CADPS: variants seen among roughly 807,000 people sequenced by gnomAD.
The protein encoded by CADPS is calcium dependent secretion activator.
In CADPS, 57 loss-of-function variants were observed where a neutral mutation model predicts 167.3. That is an observed-to-expected ratio of 0.34 (90% CI 0.28 to 0.42). The LOEUF (loss-of-function observed/expected upper bound fraction) is 0.42. CADPS is among the 20% of genes least tolerant of loss of function. The pLI, the probability that CADPS is intolerant of heterozygous loss-of-function variation, is 1.00. For missense variants in CADPS, 1,414 were observed against 1,738.1 expected, an observed-to-expected ratio of 0.81 and a Z score of 3.32; for synonymous variants, 676 against 635.3, an observed-to-expected ratio of 1.06 and a Z score of -0.96.
chr3:62,826,411 C>T lies in CADPS; in HGVS notation c.441+48178G>A, dbSNP rs140629442. 2.2e-3 allele frequency among the ~76,000 whole-genome samples: 337 copies of T among 152,084 alleles called. 1 individual carries two copies. The highest frequency in any genetic ancestry group is 7.8e-3 in the African/African-American group (323 of 41,504). ...GTTGTGATATTGTATGATAGCTATGCAACATGTTATTGTTGGGGAAAAATG... is the reference window on the plus strand; with the variant it reads ...GTTGTGATATTGTATGATAGCTATGTAACATGTTATTGTTGGGGAAAAATG... On this transcript the variant is annotated intron_variant, in intron 1 of 29. Transcript: ENST00000383710.
Position 62,662,308 on chromosome 3 carries a change from C to T in CADPS, c.969+6G>A, listed in dbSNP as rs1305568414. 1 of 1,612,760 alleles carries T rather than the reference C, an allele frequency of 6.2e-7. No homozygotes were observed. The highest frequency in any genetic ancestry group is 1.1e-5 in the South Asian group (1 of 91,048). On this transcript the variant is annotated splice_donor_region_variant and intron_variant, in intron 4 of 29. Transcript: ENST00000383710. ...ACCCCAGCAAACAACCACAATGTTTCCTTACCCTGGCTATTTGGTCTGCCA... is the reference window on the plus strand; with the variant it reads ...ACCCCAGCAAACAACCACAATGTTTTCTTACCCTGGCTATTTGGTCTGCCA...
At chr3:62,443,555 T>C (rs142767359) in intron 27 of CADPS, among the ~76,000 whole-genome samples, 2 of 152,232 alleles carry the variant, frequency 1.3e-5, no homozygotes, top group African/African-American at 2.4e-5. Context: ...TAGGAGGTAA[T>C]TGAATCATGG....
intron 1 of CADPS, among the ~76,000 whole-genome samples, chr3:62,773,601 A>C (rs1021269363): frequency 1.3e-5 from 2 of 152,128 alleles, no homozygotes; most frequent in African/African-American, 4.8e-5. Context: ...CCATGTACTA[A>C]CTGTACTATT....
At chr3:62,442,159 G>A (rs1465390014) in intron 27 of CADPS, among the ~76,000 whole-genome samples, 2 of 148,396 alleles carry the variant, frequency 1.3e-5, no homozygotes, top group African/African-American at 5.0e-5. Flanking sequence ...GTACATTCTA[G>A]TTTGGGGACT....
intron 1 of CADPS, among the ~76,000 whole-genome samples, chr3:62,855,477 T>G (rs2079502000): frequency 6.6e-6 from 1 of 152,076 alleles, no homozygotes; most frequent in African/African-American, 2.4e-5. Context: ...CCAAAGGAAT[T>G]AGAAGAAAAG....
chr3:62,713,719 A>G (rs562963088), intron 3 of CADPS, among the ~76,000 whole-genome samples: 77 of 152,214 alleles, frequency 5.1e-4, no homozygotes, highest in African/African-American at 1.8e-3. Flanking sequence ...GCTAAGCCTC[A>G]GTTTTGGGGC....
intron 28 of CADPS, chr3:62,404,775 A>ATTTTTTTTTTTTTTTTTTTTTTTTT (rs35095820): frequency 4.0e-5 from 4 of 99,726 alleles, no homozygotes; most frequent in South Asian, 3.7e-4. Context: ...TAGGAAGTAG[A>ATTTTTTTTTTTTTTTTTTTTTTTTT]TTTTTTTTTT....
chr3:62,870,814 T>C (rs1021523503), intron 1 of CADPS, among the ~76,000 whole-genome samples: 8 of 152,168 alleles, frequency 5.3e-5, no homozygotes, highest in African/African-American at 1.9e-4. Context: ...TCACTATAAG[T>C]AGCTAGTTCA....
Position 62,418,048 on chromosome 3 carries a change from T to C in CADPS, c.3778-14863A>G, listed in dbSNP as rs116105164. Among the ~76,000 whole-genome samples, 847 of 152,184 alleles carry C rather than the reference T, an allele frequency of 5.6e-3. 12 individuals carry two copies. Among genetic ancestry groups the C allele is most frequent in the African/African-American group, 0.019 (794 of 41,522 alleles). ...GAAAATATTTAGTGAGCACTTATTA[T>C]ATATCGGGCACTATTCTAAGCAGTG... On this transcript the variant is annotated intron_variant, in intron 28 of 29. Transcript: ENST00000383710.
chr3:62,598,757 A>T (rs2059270159), intron 6 of CADPS, among the ~76,000 whole-genome samples: 1 of 152,176 alleles, frequency 6.6e-6, no homozygotes, highest in Non-Finnish European at 1.5e-5. Flanking sequence ...TCAAACTCCT[A>T]ATCAGGCCAC....
rs572648384 is a variant in CADPS, at chr3:62,559,357, T to C, written c.1645-1844A>G. On this transcript the variant is annotated intron_variant, in intron 9 of 29. Transcript: ENST00000383710. ...GTACATACAATCCAATAAAGAGGTTTTACCCCCCAAATTTACAGGGGATTC... is the reference window on the plus strand; with the variant it reads ...GTACATACAATCCAATAAAGAGGTTCTACCCCCCAAATTTACAGGGGATTC... Among the ~76,000 whole-genome samples, 6 of 152,292 alleles carry C rather than the reference T, an allele frequency of 3.9e-5. No individual in the cohort carries two copies. In the South Asian group the frequency reaches 1.2e-3, roughly 32 times the overall value.
chr3:62,719,500 G>T (rs1332625443), intron 3 of CADPS, among the ~76,000 whole-genome samples: 1 of 152,172 alleles, frequency 6.6e-6, no homozygotes, highest in Non-Finnish European at 1.5e-5. Flanking sequence ...TCCCTGGTGT[G>T]ATATTTAAAT....
chr3:62,644,883 T>C (rs1488734421), intron 6 of CADPS, among the ~76,000 whole-genome samples: 1 of 151,740 alleles, frequency 6.6e-6, no homozygotes, highest in African/African-American at 2.4e-5. Flanking sequence ...CATTTATAAC[T>C]ATTTATAATT....
rs2061625790 is a variant in CADPS at position 62,478,842 on chromosome 3, T to A, written c.3174-426A>T. ...GTTTCATGCATTTCCCCAGCTCCCC[T>A]CCAGAGTGGAGACCTCTTGGAGATT... On this transcript the variant is annotated intron_variant, in intron 22 of 29. Coordinates refer to ENST00000383710, the MANE Select transcript of CADPS (RefSeq NM_003716.4). This position sits in a 1 kb window ranked among gnomAD's most constrained non-coding sequence, Gnocchi z 5.7. Among the ~76,000 whole-genome samples the A allele has an allele frequency of 6.6e-6, 1 of 152,174 alleles. No homozygotes were observed. The highest frequency in any genetic ancestry group is 1.5e-5 in the Non-Finnish European group (1 of 68,022).
intron 26 of CADPS, among the ~76,000 whole-genome samples, chr3:62,448,289 G>A (rs2057516801): frequency 6.6e-6 from 1 of 152,158 alleles, no homozygotes; most frequent in Non-Finnish European, 1.5e-5. Flanking sequence ...TGTTACAGCT[G>A]AAATGAGCAA....
chr3:62,585,249 C>T lies in CADPS; in HGVS notation c.1513G>A (p.Asp505Asn), dbSNP rs149527472. 91 of 1,613,678 alleles carry T rather than the reference C, an allele frequency of 5.6e-5. No homozygotes were observed. The highest frequency in any genetic ancestry group is 1.6e-4 in the Middle Eastern group (1 of 6,084). Residue 505 changes from aspartate (D) to asparagine (N), a missense_variant, in exon 8 of 30, where the codon GAC becomes AAC. This residue lies in a region of CADPS where 157 missense variants were observed against 229.4 expected (regional missense o/e 0.68). Coordinates refer to ENST00000383710, the MANE Select transcript of CADPS (RefSeq NM_003716.4). ...HKMTVSKNCP[D>N]QDLKIKLAVR... ...GCAAGTTTGATTTTGAGATCTTGGTCGGGGCAGTTTTTGGAGACTGTCATT... is the reference window on the plus strand; with the variant it reads ...GCAAGTTTGATTTTGAGATCTTGGTTGGGGCAGTTTTTGGAGACTGTCATT...
chr3:62,462,282 G>A (rs1270928707), intron 26 of CADPS, among the ~76,000 whole-genome samples: 1 of 152,272 alleles, frequency 6.6e-6, no homozygotes, highest in Non-Finnish European at 1.5e-5. Flanking sequence ...GGGAGGAGAG[G>A]AGGGTGCGCT....
chr3:62,824,229 T>C (rs1470815420), intron 1 of CADPS, among the ~76,000 whole-genome samples: 1 of 152,000 alleles, frequency 6.6e-6, no homozygotes, highest in African/African-American at 2.4e-5. Flanking sequence ...TAGACACATT[T>C]CAAAGCACAG....
intron 3 of CADPS, among the ~76,000 whole-genome samples, chr3:62,664,152 G>T (rs550026704): frequency 6.6e-6 from 1 of 152,022 alleles, no homozygotes; most frequent in South Asian, 2.1e-4. Context: ...GATTACAGGC[G>T]CATGCCATTG....
Sources: gnomAD v4.1 joint callset for allele counts (sites outside exome capture counted in the v4.1 genomes callset) on GRCh38, gnomAD v4.1.1 for gene constraint, gnomAD v4.1.1 regional missense constraint, Gnocchi (gnomAD v3.1) non-coding constraint, MANE v1.5 for transcripts, NCBI Gene and HGNC (gene_info 2026-07-23, HGNC 2026-07-21) for gene names.